CACNA2D1: variants seen among roughly 807,000 people sequenced by gnomAD.
CACNA2D1 encodes voltage-dependent calcium channel subunit alpha-2/delta-1.
A neutral mutation model predicts 171.5 loss-of-function variants in CACNA2D1; 53 were observed. The ratio of observed to expected loss-of-function variants is 0.31; its 90% CI spans 0.25 to 0.39. The LOEUF is 0.39. Among genes scored for constraint, CACNA2D1 ranks in the 10% least tolerant of loss-of-function variants. CACNA2D1 has a pLI of 1.00. For synonymous variants in CACNA2D1, 442 were observed against 443.1 expected, an observed-to-expected ratio of 1.00 and a Z score of 0.03; for missense variants, 903 against 1,299.8, an observed-to-expected ratio of 0.69 and a Z score of 4.69.
chr7:82,131,992 CT>C (rs200720359), intron 5 of CACNA2D1, among the ~76,000 whole-genome samples: 2 of 151,982 alleles, frequency 1.3e-5, no homozygotes, highest in East Asian at 1.9e-4. Context: ...AAGTAACAAT[CT>C]TTTTTTAAAA....
chr7:82,227,999 C>A (rs1214432816), intron 3 of CACNA2D1, among the ~76,000 whole-genome samples: 4 of 152,046 alleles, frequency 2.6e-5, no homozygotes, highest in African/African-American at 7.2e-5. Flanking sequence ...CAATCCCCTA[C>A]CCTAGAGTGT....
intron 3 of CACNA2D1, among the ~76,000 whole-genome samples, chr7:82,195,629 G>A (rs1462184636): frequency 1.3e-5 from 2 of 150,980 alleles, no homozygotes; most frequent in East Asian, 3.9e-4. Context: ...CTCTCCCAGA[G>A]TCTATAATTT....
chr7:82,282,063 G>A (rs150293426), intron 3 of CACNA2D1, among the ~76,000 whole-genome samples: 3,567 of 152,222 alleles, frequency 0.023, 109 homozygotes, highest in East Asian at 0.11. Flanking sequence ...TTGGGAGGCC[G>A]AGGTGGGTGG....
At chr7:82,178,698 AC>A (rs1284745679) in intron 3 of CACNA2D1, among the ~76,000 whole-genome samples, 1 of 152,118 alleles carries the variant, frequency 6.6e-6, no homozygotes, top group African/African-American at 2.4e-5. Flanking sequence ...TTTAAGAAGC[AC>A]TGTTCTAAAT....
chr7:82,266,902 C>A (rs141215998), intron 3 of CACNA2D1, among the ~76,000 whole-genome samples: 2 of 152,092 alleles, frequency 1.3e-5, no homozygotes, highest in African/African-American at 2.4e-5. Context: ...TAAAGAAAGC[C>A]GAATCTAAAA....
intron 5 of CACNA2D1, among the ~76,000 whole-genome samples, chr7:82,128,156 C>T (rs1447024964): frequency 1.3e-5 from 2 of 151,800 alleles, no homozygotes; most frequent in Admixed American, 1.3e-4. Context: ...TCTTAAACTC[C>T]TGGGCTCAAG....
chr7:82,405,606 T>C (rs1171264017), intron 1 of CACNA2D1, among the ~76,000 whole-genome samples: 1 of 152,300 alleles, frequency 6.6e-6, no homozygotes, highest in South Asian at 2.1e-4. Context: ...TTCCGAGGAA[T>C]GACAAGTATA....
At chr7:82,288,026 G>C (rs1267325152) in intron 3 of CACNA2D1, among the ~76,000 whole-genome samples, 1 of 141,016 alleles carries the variant, frequency 7.1e-6, no homozygotes, top group Non-Finnish European at 1.5e-5. Context: ...ATTTTTAGTA[G>C]AGATGGGGTT....
rs565375895 is a variant in CACNA2D1, at chr7:81,947,304, C to A, written c.*3088G>T. On this transcript the variant is annotated 3_prime_UTR_variant, in exon 39 of 39. Transcript: ENST00000356860. ...AAAAGGAATATTATAGGAAAACTTA[C>A]AAATGGCAGGAACACTGTTTTTTGT... The A allele has an allele frequency of 3.1e-4, 47 of 150,488 alleles. No homozygotes were observed. The highest frequency in any genetic ancestry group is 5.8e-4 in the Non-Finnish European group (39 of 67,592). The allele number at this position is 150,488 out of a possible 1,614,324, so 9.3% of individuals were successfully genotyped here. A position where few individuals can be genotyped will look rare whatever the true frequency, so the allele number is the denominator to read the frequency against.
intron 7 of CACNA2D1, among the ~76,000 whole-genome samples, chr7:82,074,096 C>G (rs146664579): frequency 6.6e-6 from 1 of 152,092 alleles, no homozygotes; most frequent in East Asian, 1.9e-4. Context: ...AAACTGGAAA[C>G]GTAGATTGAG....
In CACNA2D1 at chr7:82,335,203, G is replaced by A. The variant is rs759003114; in HGVS notation, c.226C>T (p.Arg76Cys). Residue 76 changes from arginine to cysteine, a missense_variant, in exon 3 of 39, where the codon CGC becomes TGC. By Grantham distance (180) the Arg-to-Cys change is radical. Coordinates refer to ENST00000356860, the MANE Select transcript of CACNA2D1 (RefSeq NM_000722.4). The part of the protein sequence containing the change: ...DLYTVEPNNA[R>C]QLVEIAARDI... ...CTGGCTGCAATTTCTACCAGCTGGC[G>A]TGCATTATTTGGTTCCACAGTATAC... 1.8e-5 allele frequency: 29 copies of A among 1,612,882 alleles called. No individual in the cohort carries two copies. Among genetic ancestry groups the A allele is most frequent in the South Asian group, 1.2e-4 (11 of 91,064 alleles).
intron 28 of CACNA2D1, 109 bp downstream of exon 28, chr7:81,969,772 T>C (rs1795072495): frequency 2.8e-6 from 2 of 704,652 alleles, no homozygotes; most frequent in Non-Finnish European, 5.1e-6. Flanking sequence ...TAATGATGAC[T>C]ATTCTGAGTA....
intron 4 of CACNA2D1, among the ~76,000 whole-genome samples, chr7:82,150,503 A>G (rs2129107993): frequency 6.6e-6 from 1 of 151,968 alleles, no homozygotes; most frequent in Non-Finnish European, 1.5e-5. Flanking sequence ...AAACCTTTGC[A>G]TCATTTTTTT....
rs62465802 is a variant in CACNA2D1, at chr7:82,146,216, T to C, written c.355-9540A>G. 7.7e-3 allele frequency among the ~76,000 whole-genome samples: 1,166 copies of C among 151,356 alleles called. 16 individuals carry two copies. The highest frequency in any genetic ancestry group is 0.019 in the South Asian group (91 of 4,798). On this transcript the variant is annotated intron_variant, in intron 4 of 38. Transcript: ENST00000356860. ...ACTACAGCCCAGAGCTGAACTATCATGCTGGTGACACAAATGGAAATACCT... is the reference window on the plus strand; with the variant it reads ...ACTACAGCCCAGAGCTGAACTATCACGCTGGTGACACAAATGGAAATACCT...
intron 12 of CACNA2D1, among the ~76,000 whole-genome samples, chr7:82,019,591 AATCTGTTTTT>A (rs1800938942): frequency 1.3e-5 from 2 of 152,138 alleles, no homozygotes; most frequent in Admixed American, 1.3e-4. Flanking sequence ...GACTTCTGCT[AATCTGTTTTT>A]GTTTTGTTTT....
At chr7:82,110,391 G>A (rs944023757) in intron 6 of CACNA2D1, among the ~76,000 whole-genome samples, 1 of 152,118 alleles carries the variant, frequency 6.6e-6, no homozygotes, top group Non-Finnish European at 1.5e-5. Context: ...GGTCATGTGA[G>A]GACACACTGA....
intron 6 of CACNA2D1, among the ~76,000 whole-genome samples, chr7:82,109,554 G>T (rs1237137962): frequency 6.6e-6 from 1 of 152,070 alleles, no homozygotes; most frequent in African/African-American, 2.4e-5. Context: ...AGAACAATTG[G>T]TTGAAAGCCT....
At chr7:82,024,836 G>A (rs1183425839) in intron 12 of CACNA2D1, among the ~76,000 whole-genome samples, 1 of 151,540 alleles carries the variant, frequency 6.6e-6, no homozygotes, top group Non-Finnish European at 1.5e-5. Flanking sequence ...TGTCAGATAA[G>A]GATCCAATTT....
intron 1 of CACNA2D1, among the ~76,000 whole-genome samples, chr7:82,387,422 A>G (rs926980416): frequency 1.3e-5 from 2 of 152,236 alleles, no homozygotes; most frequent in South Asian, 4.1e-4. Flanking sequence ...AGAAGATCAC[A>G]TATGAGTCAA....
Sources: allele counts gnomAD v4.1 joint callset (sites outside exome capture counted in the v4.1 genomes callset), GRCh38; gene constraint gnomAD v4.1.1; transcripts MANE v1.5; gene names NCBI Gene and HGNC (gene_info 2026-07-23, HGNC 2026-07-21).